DLGAP1: variants seen among roughly 807,000 people sequenced by gnomAD.
DLGAP1 encodes disks large-associated protein 1.
A neutral mutation model predicts 90.8 loss-of-function variants in DLGAP1; 11 were observed. That is an observed-to-expected ratio of 0.12 (90% CI 0.08 to 0.20). DLGAP1 has a LOEUF of 0.20. DLGAP1 is among the 10% of genes least tolerant of loss of function. The probability of loss-of-function intolerance (pLI) is 1.00; values close to 1 mark genes in which losing one functional copy is unlikely to be tolerated. For synonymous variants in DLGAP1, 558 were observed against 540.7 expected (o/e 1.03, Z -0.44); for missense variants, 1,050 against 1,333.8 (o/e 0.79, Z 3.31).
At chr18:3,533,776 T>A (rs1477245337) in intron 10 of DLGAP1, among the ~76,000 whole-genome samples, 1 of 152,052 alleles carries the variant, frequency 6.6e-6, no homozygotes, top group Non-Finnish European at 1.5e-5. Flanking sequence ...TAAAAAGAAT[T>A]TTTGTGGGTA....
At chr18:4,123,435 G>A (rs1568409242) in intron 2 of DLGAP1, among the ~76,000 whole-genome samples, 1 of 152,134 alleles carries the variant, frequency 6.6e-6, no homozygotes, top group Non-Finnish European at 1.5e-5. Context: ...AGGGAGGGAG[G>A]AAGAAAGGAA....
intron 1 of DLGAP1, among the ~76,000 whole-genome samples, chr18:4,326,002 A>G (rs2080809084): frequency 6.6e-6 from 1 of 152,186 alleles, no homozygotes; most frequent in African/African-American, 2.4e-5. Context: ...AAAAACAAAA[A>G]TTGATAAATG....
chr18:3,518,757 G>T (rs1192662804), intron 10 of DLGAP1, among the ~76,000 whole-genome samples: 3 of 152,126 alleles, frequency 2.0e-5, no homozygotes, highest in African/African-American at 7.2e-5. Flanking sequence ...AGGTAAACGT[G>T]AGAATGCAGT....
intron 4 of DLGAP1, among the ~76,000 whole-genome samples, chr18:3,824,168 G>T (rs2067586598): frequency 6.6e-6 from 1 of 152,048 alleles, no homozygotes; most frequent in Admixed American, 6.6e-5. Context: ...GTGTGCTGGT[G>T]TCTATCCACC....
chr18:4,181,571 C>T (rs17597725), intron 1 of DLGAP1, among the ~76,000 whole-genome samples: 2,427 of 152,268 alleles, frequency 0.016, 31 homozygotes, highest in Non-Finnish European at 0.024. Context: ...AAACCGAAAG[C>T]TCCTGTGTCT....
At chr18:4,288,388 T>TA (rs1205664700) in intron 1 of DLGAP1, among the ~76,000 whole-genome samples, 1 of 152,162 alleles carries the variant, frequency 6.6e-6, no homozygotes, top group Non-Finnish European at 1.5e-5. Context: ...GACTGACGAG[T>TA]ACCATGCAAA....
intron 1 of DLGAP1, among the ~76,000 whole-genome samples, chr18:4,423,680 C>T (rs1407420096): frequency 6.6e-6 from 1 of 151,958 alleles, no homozygotes; most frequent in African/African-American, 2.4e-5. Context: ...CAGTGCTCCT[C>T]TTCTAACACA....
chr18:3,930,487 T>C (rs1411342940), intron 3 of DLGAP1, among the ~76,000 whole-genome samples: 4 of 152,194 alleles, frequency 2.6e-5, no homozygotes, highest in Admixed American at 2.6e-4. Flanking sequence ...AGTGGGGGCC[T>C]GTGTAGGCTG....
rs763053440 is a variant in DLGAP1, at chr18:3,879,502, C to T, written c.567G>A (p.Ala189=). The change falls in exon 4 of 13, where the codon GCG becomes GCA. Residue 189 remains alanine (A), a synonymous_variant. Coordinates refer to ENST00000315677, the MANE Select transcript of DLGAP1 (RefSeq NM_004746.4). The surrounding 1 kb of genome is among the most constrained non-coding windows in gnomAD (Gnocchi z 6.6). The stretch of plus-strand genomic sequence containing the variant: ...AGGTGCTGGGCCGGGCCTTGGGCTC[C>T]GCGCGCCGCTCCTTGCTCTTGCTGC... ...GKRSKSKERR[A]EPKARPSTSP... is the part of the protein sequence containing the mutation. 25 of 1,603,412 alleles carry T rather than the reference C, an allele frequency of 1.6e-5. No homozygotes were observed. The highest frequency in any genetic ancestry group is 2.0e-5 in the Non-Finnish European group (24 of 1,179,674).
At chr18:3,948,230 T>TTTGCCAAGAGCTTGTCCTGCTCTTGTC (rs1196675448) in intron 3 of DLGAP1, among the ~76,000 whole-genome samples, 13 of 152,072 alleles carry the variant, frequency 8.5e-5, no homozygotes, top group African/African-American at 3.1e-4. Context: ...ACCTCATCAA[T>TTTGCCAAGAGCTTGTCCTGCTCTTGTC]TTGCCAAGAG....
intron 9 of DLGAP1, among the ~76,000 whole-genome samples, chr18:3,543,169 T>A (rs1438126144): frequency 2.5e-5 from 1 of 40,464 alleles, no homozygotes; most frequent in African/African-American, 3.5e-5. Context: ...GACTCCAATT[T>A]TTTTTTTTTT....
rs116973690 is a variant in DLGAP1 at position 4,255,329 on chromosome 18, A to G, written c.-266-104042T>C. ...AGCTCTTAATTCTTGTGTTTATTCA[A>G]CAGAATATTGCTGTCCATCTTTTCC... On this transcript the variant is annotated intron_variant, in intron 1 of 12. Transcript: ENST00000315677. 2.1e-3 allele frequency among the ~76,000 whole-genome samples: 319 copies of G among 152,248 alleles called. 2 individuals carry two copies. The highest frequency in any genetic ancestry group is 3.8e-3 in the Non-Finnish European group (256 of 68,018).
intron 1 of DLGAP1, among the ~76,000 whole-genome samples, chr18:4,258,151 C>T (rs2078933702): frequency 6.6e-6 from 1 of 152,156 alleles, no homozygotes; most frequent in Non-Finnish European, 1.5e-5. Flanking sequence ...ATCCTCCTGC[C>T]TCAGCTTCCC....
intron 3 of DLGAP1, among the ~76,000 whole-genome samples, chr18:3,892,707 A>G (rs1042985124): frequency 6.6e-6 from 1 of 152,022 alleles, no homozygotes; most frequent in Non-Finnish European, 1.5e-5. Context: ...GCCTTTGGAA[A>G]AAAGAAGTCT....
At chr18:4,406,228 T>A (rs11081104) in intron 1 of DLGAP1, among the ~76,000 whole-genome samples, 1 of 152,162 alleles carries the variant, frequency 6.6e-6, no homozygotes, top group Non-Finnish European at 1.5e-5. Flanking sequence ...GTTGTGGGAG[T>A]GGACCAATCA....
chr18:3,819,106 TCAAG>T, intron 4 of DLGAP1, among the ~76,000 whole-genome samples: 1 of 151,320 alleles, frequency 6.6e-6, no homozygotes. Context: ...GGCAAGGAGT[TCAAG>T]TCCAGCCTGG....
chr18:4,081,868 G>A (rs187140783), intron 2 of DLGAP1, among the ~76,000 whole-genome samples: 284 of 152,190 alleles, frequency 1.9e-3, no homozygotes, highest in African/African-American at 6.4e-3. Context: ...CATTTACTAT[G>A]CTCCTAAAAT....
In DLGAP1 at chr18:4,280,442, A is replaced by C. The variant is rs557971313; in HGVS notation, c.-266-129155T>G. Among the ~76,000 whole-genome samples the C allele has an allele frequency of 2.5e-4, 38 of 152,340 alleles. 2 individuals carry two copies. The South Asian group carries it at 6.8e-3, about 27-fold the overall frequency. On this transcript the variant is annotated intron_variant, in intron 1 of 12. Coordinates refer to ENST00000315677, the MANE Select transcript of DLGAP1 (RefSeq NM_004746.4). Reference sequence around the variant, plus strand: ...TGAATAAATTACTGACCAAAAGCCCACAACTAGTATAGTGCTGAGTATTTA... The same window carrying C: ...TGAATAAATTACTGACCAAAAGCCCCCAACTAGTATAGTGCTGAGTATTTA...
chr18:3,855,269 G>A (rs1425330503), intron 4 of DLGAP1, among the ~76,000 whole-genome samples: 4 of 152,124 alleles, frequency 2.6e-5, no homozygotes, highest in South Asian at 2.1e-4. Context: ...AACAGACTCT[G>A]GGGCCTACTT....
Sources: allele counts gnomAD v4.1 joint callset (sites outside exome capture counted in the v4.1 genomes callset), GRCh38; gene constraint gnomAD v4.1.1; non-coding constraint Gnocchi (gnomAD v3.1); transcripts MANE v1.5; gene names NCBI Gene and HGNC (gene_info 2026-07-23, HGNC 2026-07-21).